NCOR2: variants seen among roughly 807,000 people sequenced by gnomAD.
The protein encoded by NCOR2 is nuclear receptor corepressor 2, also known as CTG repeat protein 26.
NCOR2 carries 81 observed loss-of-function variants against 262.9 expected under a neutral mutation model. The ratio of observed to expected loss-of-function variants is 0.31; its 90% CI spans 0.26 to 0.37. NCOR2 has a LOEUF of 0.37. NCOR2 is among the 10% of genes least tolerant of loss of function. NCOR2 has a pLI of 1.00. For synonymous variants in NCOR2, 1,659 were observed against 1,559.3 expected, an observed-to-expected ratio of 1.06 and a Z score of -1.51; for missense variants, 3,385 against 3,621.4, an observed-to-expected ratio of 0.93 and a Z score of 1.68.
At chr12:124,334,708 G>A in intron 40 of NCOR2, 91 bp from the exon 43 acceptor site, 1 of 683,084 alleles carries the variant, frequency 1.5e-6, no homozygotes, top group Non-Finnish European at 2.3e-6. Context: ...GCTCGGGGCA[G>A]AATCCTGGGT....
rs907144302 is a variant in NCOR2, at chr12:124,566,025, C to G, written c.-165+1283G>C. 3.3e-5 allele frequency among the ~76,000 whole-genome samples: 5 copies of G among 152,192 alleles called. No homozygotes were observed. The highest frequency in any genetic ancestry group is 1.2e-4 in the African/African-American group (5 of 41,434). On this transcript the variant is annotated intron_variant, in intron 1 of 32. Transcript: ENST00000458234. The surrounding 1 kb of genome is among the most constrained non-coding windows in gnomAD (Gnocchi z 4.3). ...TCAAAGCTGCCGCAAGGACCCAGAT[C>G]TGGCTGAAAAGGGGCAAAGTCAAGG...
rs2048882763 is a variant in NCOR2 at position 124,503,665 on chromosome 12, CGGGTGAAT to C, written c.-117-8305_-117-8298del. Among the ~76,000 whole-genome samples, 1 of 102,516 alleles carries C rather than the reference CGGGTGAAT, an allele frequency of 9.8e-6. No individual in the cohort carries two copies. Among genetic ancestry groups the C allele is most frequent in the Admixed American group, 9.8e-5 (1 of 10,202 alleles). The allele number at this position is 102,516 out of a possible 152,430, so 67.3% of individuals were successfully genotyped here. On this transcript the variant is annotated intron_variant, in intron 1 of 46. Transcript: ENST00000404621. This position sits in a 1 kb window ranked among gnomAD's most constrained non-coding sequence, Gnocchi z 4.3. ...ATGGATGGATGGATGGATGGATGGA[CGGGTGAAT>C]GGATGGATGGATGGATGGATGGATG...
At chr12:124,419,399 T>C (rs1474503296) in intron 13 of NCOR2, among the ~76,000 whole-genome samples, 1 of 152,202 alleles carries the variant, frequency 6.6e-6, no homozygotes, top group African/African-American at 2.4e-5. Flanking sequence ...CAAGAACAGA[T>C]GGTGGGCCGG....
chr12:124,431,469 CAG>C (rs2043925939), intron 8 of NCOR2, among the ~76,000 whole-genome samples: 2 of 148,552 alleles, frequency 1.3e-5, no homozygotes, highest in Admixed American at 6.7e-5. Context: ...GGCAGATACA[CAG>C]AGAGACACAC....
At chr12:124,551,603 G>A (rs1220644976) in intron 1 of NCOR2, among the ~76,000 whole-genome samples, 5 of 152,162 alleles carry the variant, frequency 3.3e-5, no homozygotes, top group Admixed American at 3.3e-4. Flanking sequence ...TCTCTCCCCT[G>A]GCCGCCTCTT....
At chr12:124,535,590 G>A (rs1487267258) in exon 1 of NCOR2, 3 of 152,264 alleles carry the variant, frequency 2.0e-5, no homozygotes, top group African/African-American at 7.2e-5. Flanking sequence ...GCGAGGCTGT[G>A]TCCTCAAAGA....
exon 20 of NCOR2, chr12:124,372,433 G>A (rs745712638): frequency 6.6e-7 from 1 of 1,521,474 alleles, no homozygotes; most frequent in Admixed American, 2.1e-5. Flanking sequence ...GGCTTCAGAG[G>A]CCGGGGTGGG....
At chr12:124,458,856 C>T (rs1449023357) in intron 5 of NCOR2, among the ~76,000 whole-genome samples, 1 of 152,162 alleles carries the variant, frequency 6.6e-6, no homozygotes, top group Admixed American at 6.5e-5. Context: ...CAGCCACACC[C>T]TCGAAGCAGG....
chr12:124,370,565 C>T (rs2039417787), intron 20 of NCOR2, among the ~76,000 whole-genome samples: 2 of 152,212 alleles, frequency 1.3e-5, no homozygotes, highest in Admixed American at 1.3e-4. Context: ...GGCCTGCCTG[C>T]CCCACCAGAA....
chr12:124,338,766 T>C (rs1186580611), intron 37 of NCOR2, among the ~76,000 whole-genome samples: 1 of 152,010 alleles, frequency 6.6e-6, no homozygotes, highest in African/African-American at 2.4e-5. Context: ...CCACAGATTC[T>C]ATTCTCAAAC....
intron 13 of NCOR2, among the ~76,000 whole-genome samples, chr12:124,417,074 G>A (rs533219175): frequency 7.1e-6 from 1 of 141,422 alleles, no homozygotes; most frequent in East Asian, 1.9e-4. Context: ...TCCACGGAGA[G>A]CAGGCCGGAC....
intron 13 of NCOR2, among the ~76,000 whole-genome samples, chr12:124,409,140 C>T (rs921264924): frequency 5.3e-5 from 8 of 152,242 alleles, no homozygotes; most frequent in African/African-American, 9.6e-5. Flanking sequence ...AAGCCTGTTC[C>T]GCCTGTACAG....
chr12:124,414,062 G>A (rs573250867), intron 13 of NCOR2, among the ~76,000 whole-genome samples: 22 of 152,140 alleles, frequency 1.4e-4, no homozygotes, highest in African/African-American at 5.1e-4. Context: ...CCCCTCTGCC[G>A]CCTGCCCTCG....
intron 1 of NCOR2, among the ~76,000 whole-genome samples, chr12:124,512,792 A>G (rs901519323): frequency 6.6e-6 from 1 of 152,210 alleles, no homozygotes; most frequent in African/African-American, 2.4e-5. Context: ...CCAACACAGT[A>G]GCCGCTGGGT....
Position 124,567,297 on chromosome 12 carries a change from C to T in NCOR2, c.-165+11G>A, listed in dbSNP as rs79830634. The T allele has an allele frequency of 0.2, 30,567 of 151,832 alleles. 3,359 individuals carry two copies. The highest frequency in any genetic ancestry group is 0.27 in the East Asian group (1,397 of 5,146). The allele number at this position is 151,832 out of a possible 1,614,324, so 9.4% of individuals were successfully genotyped here. A position where few individuals can be genotyped will look rare whatever the true frequency, so the allele number is the denominator to read the frequency against. On this transcript the variant is annotated intron_variant, in intron 1 of 32. Coordinates refer to the NCOR2 transcript ENST00000458234. Reference sequence around the variant, plus strand: ...CCCCGCCCTTCGCGGGGACCCTCGGCCCCAACTCACCTCGCGGAGGTGGCA... The same window carrying T: ...CCCCGCCCTTCGCGGGGACCCTCGGTCCCAACTCACCTCGCGGAGGTGGCA...
intron 1 of NCOR2, among the ~76,000 whole-genome samples, chr12:124,487,424 C>T (rs2047824610): frequency 6.6e-6 from 1 of 152,280 alleles, no homozygotes; most frequent in African/African-American, 2.4e-5. Context: ...CACCGTCGTC[C>T]ATTTGACAAA....
upstream of NCOR2, among the ~76,000 whole-genome samples, chr12:124,536,842 C>A (rs930695096): frequency 6.6e-6 from 1 of 152,202 alleles, no homozygotes; most frequent in African/African-American, 2.4e-5. Context: ...CACAGACTCG[C>A]GCACAAATGT....
At chr12:124,343,251 T>C (rs1423193370) in intron 32 of NCOR2, 25 bp from the exon 35 acceptor site, 1 of 1,597,552 alleles carries the variant, frequency 6.3e-7, no homozygotes, top group Non-Finnish European at 8.5e-7. Flanking sequence ...GGTGGATGCA[T>C]CGGGCCTCTG....
intron 7 of NCOR2, among the ~76,000 whole-genome samples, chr12:124,446,607 C>T (rs150044629): frequency 3.3e-4 from 51 of 152,242 alleles, no homozygotes; most frequent in African/African-American, 1.0e-3. Context: ...CAAGGGTCCC[C>T]TTAACTGTCA....
Sources: allele counts gnomAD v4.1 joint callset (sites outside exome capture counted in the v4.1 genomes callset), GRCh38; gene constraint gnomAD v4.1.1; non-coding constraint Gnocchi (gnomAD v3.1); transcripts MANE v1.5; gene names NCBI Gene and HGNC (gene_info 2026-07-23, HGNC 2026-07-21).